EIF2AK3: variants seen among roughly 807,000 people sequenced by gnomAD.
The protein encoded by EIF2AK3 is eukaryotic translation initiation factor 2 alpha kinase 3.
EIF2AK3 carries 50 observed loss-of-function variants against 113.5 expected under a neutral mutation model. The observed-to-expected ratio is 0.44, with a 90% CI of 0.35 to 0.56. EIF2AK3 has a LOEUF of 0.56. Ranked by LOEUF, EIF2AK3 falls within the 20% of genes least tolerant of loss-of-function variation. The probability of loss-of-function intolerance (pLI) is 0.00; values close to 1 mark genes in which losing one functional copy is unlikely to be tolerated. For missense variants in EIF2AK3, 1,185 were observed against 1,378.0 expected (o/e 0.86, Z 2.22); for synonymous variants, 448 against 495.4 (o/e 0.90, Z 1.27).
intron 11 of EIF2AK3, 79 bp from the exon 12 acceptor site, chr2:88,576,782 C>T (rs980448525): frequency 1.4e-6 from 2 of 1,478,006 alleles, no homozygotes; most frequent in Non-Finnish European, 1.9e-6. Context: ...TGACTTATAC[C>T]CCTAAAATAT....
intron 14 of EIF2AK3, among the ~76,000 whole-genome samples, chr2:88,564,450 A>C (rs1674049756): frequency 6.6e-6 from 1 of 152,142 alleles, no homozygotes; most frequent in East Asian, 1.9e-4. Context: ...ATTGCCATAA[A>C]ATTTCTACAG....
At chr2:88,608,180 A>G (rs1459994348) in intron 2 of EIF2AK3, among the ~76,000 whole-genome samples, 3 of 152,240 alleles carry the variant, frequency 2.0e-5, no homozygotes, top group Admixed American at 2.0e-4. Flanking sequence ...TCTCAGATTA[A>G]TAAGTAACTT....
chr2:88,613,371 A>G lies in EIF2AK3; in HGVS notation c.438+353T>C, dbSNP rs1386272733. On this transcript the variant is annotated intron_variant, in intron 2 of 16. Transcript: ENST00000303236. ...ATTTCTAACTAGTAAAATTCAATAA[A>G]GTTTTTATTTATATTTATCTTATTA... Among the ~76,000 whole-genome samples, 6 of 152,206 alleles carry G rather than the reference A, an allele frequency of 3.9e-5. No individual in the cohort carries two copies. The East Asian group carries it at 1.2e-3, about 29-fold the overall frequency.
intron 9 of EIF2AK3, among the ~76,000 whole-genome samples, chr2:88,584,997 G>T (rs998856364): frequency 1.3e-5 from 2 of 152,108 alleles, no homozygotes; most frequent in Non-Finnish European, 2.9e-5. Context: ...GGGGAGGAGG[G>T]TCAGGTATTA....
At chr2:88,595,351 C>G in intron 3 of EIF2AK3, 118 bp downstream of exon 3, 1 of 1,020,068 alleles carries the variant, frequency 9.8e-7, no homozygotes, top group East Asian at 2.6e-5. Context: ...AAACAAATGA[C>G]AACCTCAGGG....
At chr2:88,560,493 GCCGTGAACT>G (rs796600076) in intron 15 of EIF2AK3, among the ~76,000 whole-genome samples, 2 of 152,214 alleles carry the variant, frequency 1.3e-5, no homozygotes, top group African/African-American at 4.8e-5. Context: ...GCTTACTGTA[GCCGTGAACT>G]CCTGGTCTCA....
At position 88,627,055 on chromosome 2, in the gene EIF2AK3, C is replaced by T; in HGVS notation, c.220G>A (p.Asp74Asn). 1 of 1,593,878 alleles carries T rather than the reference C, an allele frequency of 6.3e-7. No individual in the cohort carries two copies. Among genetic ancestry groups the T allele is most frequent in the Non-Finnish European group, 8.5e-7 (1 of 1,175,830 alleles). The change falls in exon 1 of 17, where the codon GAC (aspartate) becomes AAC (asparagine). Residue 74 changes from aspartate (D) to asparagine (N), a missense_variant. Coordinates refer to ENST00000303236, the MANE Select transcript of EIF2AK3 (RefSeq NM_004836.7). ...GCGGCTGCCGGCAGCGCCTCAGCGT[C>T]CTCCACAGTCACCTCGGCCGCAGCC... ...AVAAAEVTVEDAEALPAAAGE... is the reference protein window; with the variant it reads ...AVAAAEVTVENAEALPAAAGE...
Position 88,588,899 on chromosome 2 carries a change from T to G in EIF2AK3, c.1168A>C (p.Met390Leu). ...TGCAGATACAGCTGGCCTCTATACA[T>G]TCCTGAATCAACCAGAACATTGTCA... ...GATENSVYLG[M>L]YRGQLYLQSS... The change falls in exon 7 of 17, where the codon ATG (methionine) becomes CTG (leucine). Residue 390 changes from methionine (M) to leucine (L), a missense_variant and splice_region_variant. Met to Leu is a conservative substitution (Grantham distance 15). Around this residue, in one of 3 missense-constraint regions of EIF2AK3, gnomAD observed 877 missense variants for 1,024.2 expected, o/e 0.86. Coordinates refer to ENST00000303236, the MANE Select transcript of EIF2AK3 (RefSeq NM_004836.7). 1 of 1,613,680 alleles carries G rather than the reference T, an allele frequency of 6.2e-7. No homozygotes were observed.
At chr2:88,600,599 T>C (rs1008378565) in intron 2 of EIF2AK3, among the ~76,000 whole-genome samples, 1 of 152,222 alleles carries the variant, frequency 6.6e-6, no homozygotes, top group African/African-American at 2.4e-5. Flanking sequence ...TCTATCTGTG[T>C]AATCATAAAG....
intron 1 of EIF2AK3, among the ~76,000 whole-genome samples, chr2:88,615,650 A>G (rs1040293109): frequency 6.6e-6 from 1 of 152,184 alleles, no homozygotes; most frequent in Non-Finnish European, 1.5e-5. Flanking sequence ...CCCAGTCTAC[A>G]GTATTTTGTT....
intron 2 of EIF2AK3, among the ~76,000 whole-genome samples, chr2:88,608,348 C>T (rs1285619386): frequency 1.3e-5 from 2 of 152,006 alleles, no homozygotes; most frequent in African/African-American, 4.8e-5. Flanking sequence ...TCAGGAGGCA[C>T]GTGCCACTGT....
chr2:88,619,015 T>TG (rs1307568855), intron 1 of EIF2AK3, among the ~76,000 whole-genome samples: 12 of 151,196 alleles, frequency 7.9e-5, no homozygotes, highest in South Asian at 2.1e-4. Flanking sequence ...TTTTTTTTTT[T>TG]GGGGGGACGG....
chr2:88,593,743 TAAAA>T (rs372432648), intron 3 of EIF2AK3, among the ~76,000 whole-genome samples: 1 of 149,900 alleles, frequency 6.7e-6, no homozygotes, highest in Non-Finnish European at 1.5e-5. Flanking sequence ...TCAGGTGAGT[TAAAA>T]AAAAAATCAA....
chr2:88,603,135 T>C (rs1003517383), intron 2 of EIF2AK3, among the ~76,000 whole-genome samples: 7 of 152,166 alleles, frequency 4.6e-5, no homozygotes, highest in African/African-American at 1.7e-4. Flanking sequence ...GATGTATCCA[T>C]ACCAACCAGA....
chr2:88,625,089 T>C (rs1558667784), intron 1 of EIF2AK3, among the ~76,000 whole-genome samples: 1 of 152,196 alleles, frequency 6.6e-6, no homozygotes, highest in Admixed American at 6.5e-5. Flanking sequence ...CACGGTGATC[T>C]TGTTAAAATG....
intron 3 of EIF2AK3, 129 bp downstream of exon 3, chr2:88,595,338 TTA>T (rs759126828): frequency 1.1e-6 from 1 of 906,418 alleles, no homozygotes; most frequent in Non-Finnish European, 1.7e-6. Flanking sequence ...AGTTCTCTTA[TTA>T]AAACAAATGA....
At chr2:88,558,299 CATAA>C (rs1673841090) in intron 16 of EIF2AK3, among the ~76,000 whole-genome samples, 1 of 152,124 alleles carries the variant, frequency 6.6e-6, no homozygotes, top group Admixed American at 6.5e-5. Context: ...ATCCCTGAAA[CATAA>C]ATATGATTTT....
chr2:88,575,339 G>C lies in EIF2AK3; in HGVS notation c.2144C>G (p.Ser715Ter). 6.2e-7 allele frequency: 1 copy of C among 1,614,164 alleles called. No homozygotes were observed. Among genetic ancestry groups the C allele is most frequent in the Non-Finnish European group, 8.5e-7 (1 of 1,180,008 alleles). The change falls in exon 13 of 17, where the codon TCA becomes TGA. Residue 715 changes from serine (S) to a stop codon, truncating the protein, a stop_gained. Coordinates refer to ENST00000303236, the MANE Select transcript of EIF2AK3 (RefSeq NM_004836.7). LOFTEE classifies it high-confidence loss of function. ...TGAAAAAGACCTGCTTCTTTGTGGT[G>C]AAGGAGCTATGATTTCAATATGTTC... The part of the protein sequence containing the change: ...TKEHIEIIAP[S>*]PQRSRSFSVG...
chr2:88,625,274 A>G (rs965666237), intron 1 of EIF2AK3, among the ~76,000 whole-genome samples: 1 of 145,172 alleles, frequency 6.9e-6, no homozygotes, highest in African/African-American at 2.6e-5. Flanking sequence ...GCATGTCTAT[A>G]TCGCTTACGT....
Sources: allele counts gnomAD v4.1 joint callset (sites outside exome capture counted in the v4.1 genomes callset), GRCh38; gene constraint gnomAD v4.1.1; regional missense constraint gnomAD v4.1.1; transcripts MANE v1.5; gene names NCBI Gene and HGNC (gene_info 2026-07-23, HGNC 2026-07-21).